GSTCD: variants seen among roughly 807,000 people sequenced by gnomAD.
GSTCD encodes glutathione S-transferase C-terminal domain containing.
In GSTCD, 44 loss-of-function variants were observed where a neutral mutation model predicts 68.3. The ratio of observed to expected loss-of-function variants is 0.64; its 90% CI spans 0.51 to 0.83. GSTCD has a LOEUF of 0.83. Ranked by LOEUF, GSTCD falls within the 40% of genes least tolerant of loss-of-function variation. The pLI is 0.00. For missense variants in GSTCD, 739 were observed against 735.9 expected (o/e 1.00, Z -0.05); for synonymous variants, 273 against 255.2 (o/e 1.07, Z -0.67).
In GSTCD at chr4:105,769,243, A is replaced by AC. The variant is rs1302495633; in HGVS notation, c.1240+39745dup. Among the ~76,000 whole-genome samples, 199 of 129,180 alleles carry AC rather than the reference A, an allele frequency of 1.5e-3. 1 individual carries two copies. Among genetic ancestry groups the AC allele is most frequent in the African/African-American group, 6.9e-3 (186 of 27,138 alleles). 84.7% of individuals were successfully genotyped at this position (129,180 alleles called of 152,430 possible). A position where few individuals can be genotyped will look rare whatever the true frequency, so the allele number is the denominator to read the frequency against. On this transcript the variant is annotated intron_variant, in intron 5 of 11. Transcript: ENST00000515279. ...ATACTATACACGCGCGCACACACAC[A>AC]CACACACACACACACACACACACAC... is the stretch of plus-strand genomic sequence containing the variant.
intron 5 of GSTCD, among the ~76,000 whole-genome samples, chr4:105,818,953 T>TTTG (rs1723143900): frequency 6.6e-6 from 1 of 151,800 alleles, no homozygotes; most frequent in Non-Finnish European, 1.5e-5. Flanking sequence ...GAAGATATAC[T>TTTG]ATATCCAGAA....
intron 11 of GSTCD, 49 bp downstream of exon 11, chr4:105,842,183 C>G (rs747494893): frequency 1.5e-5 from 21 of 1,446,890 alleles, no homozygotes; most frequent in Non-Finnish European, 2.0e-5. Context: ...CACAATATGA[C>G]TGGGAATGAT....
chr4:105,803,394 G>C (rs1185265095), intron 5 of GSTCD, among the ~76,000 whole-genome samples: 1 of 151,952 alleles, frequency 6.6e-6, no homozygotes, highest in Non-Finnish European at 1.5e-5. Context: ...ATAAAAAGCA[G>C]ACTAAATTTA....
chr4:105,753,482 TG>T (rs1367790472), intron 5 of GSTCD, among the ~76,000 whole-genome samples: 1 of 152,016 alleles, frequency 6.6e-6, no homozygotes, highest in African/African-American at 2.4e-5. Flanking sequence ...GAAAAAAATT[TG>T]CATCTGTACT....
At chr4:105,750,912 G>T (rs114913092) in intron 5 of GSTCD, among the ~76,000 whole-genome samples, 1 of 152,148 alleles carries the variant, frequency 6.6e-6, no homozygotes, top group Admixed American at 6.5e-5. Flanking sequence ...CTGTATGTTT[G>T]CCTTTATATA....
chr4:105,742,248 A>T (rs561899379), intron 5 of GSTCD, among the ~76,000 whole-genome samples: 2 of 152,238 alleles, frequency 1.3e-5, no homozygotes, highest in East Asian at 3.9e-4. Context: ...CCCACATCTT[A>T]TCTACCATTC....
At chr4:105,756,992 A>G (rs561796875) in intron 5 of GSTCD, among the ~76,000 whole-genome samples, 1 of 152,312 alleles carries the variant, frequency 6.6e-6, no homozygotes, top group East Asian at 1.9e-4. Context: ...TACACTGATC[A>G]GCATTGCTAT....
In GSTCD at chr4:105,826,699, CT is replaced by C. The variant is rs1033335982; in HGVS notation, c.1530+907del. ...ATCTTTTACCTACTTTTTAATCATACTTTTTTTTCTCATTGTTATAATGCAA... is the reference window on the plus strand; with the variant it reads ...ATCTTTTACCTACTTTTTAATCATACTTTTTTTCTCATTGTTATAATGCAA... On this transcript the variant is annotated intron_variant, in intron 8 of 11. Coordinates refer to ENST00000515279, the MANE Select transcript of GSTCD (RefSeq NM_001370181.1). 1.2e-3 allele frequency among the ~76,000 whole-genome samples: 188 copies of C among 152,010 alleles called. 1 individual carries two copies. Among genetic ancestry groups the C allele is most frequent in the African/African-American group, 4.3e-3 (178 of 41,506 alleles).
intron 4 of GSTCD, 75 bp from the exon 5 acceptor site, chr4:105,729,331 A>T: frequency 1.3e-6 from 1 of 797,916 alleles, no homozygotes; most frequent in Non-Finnish European, 2.0e-6. Flanking sequence ...ATACAAATAT[A>T]ATTTTTTAGC....
chr4:105,842,009 A>G (rs1208829293), intron 10 of GSTCD, 56 bp from the exon 11 acceptor site: 6 of 1,365,696 alleles, frequency 4.4e-6, no homozygotes, highest in South Asian at 1.2e-5. Flanking sequence ...GGTTGTTTTT[A>G]TAACTTTGAA....
At chr4:105,778,669 T>C (rs568262269) in intron 5 of GSTCD, among the ~76,000 whole-genome samples, 1 of 152,262 alleles carries the variant, frequency 6.6e-6, no homozygotes, top group East Asian at 1.9e-4. Flanking sequence ...ATATATATTA[T>C]ATGAAGTTCA....
intron 5 of GSTCD, among the ~76,000 whole-genome samples, chr4:105,788,498 C>A (rs1011662854): frequency 6.6e-6 from 1 of 152,090 alleles, no homozygotes; most frequent in East Asian, 1.9e-4. Context: ...CCTACTTAAC[C>A]CATTTATTCT....
rs1724516486 is a variant in GSTCD at position 105,845,541 on chromosome 4, T to C, written c.1866T>C (p.Ser622=). Residue 622 remains serine, a synonymous_variant, in exon 12 of 12, where the codon TCT becomes TCC. Transcript: ENST00000515279. ...TATCCATGGAGCCAGAGAGCTGCTC[T>C]CCCAAAAATAACATGATTGTGGGAG... ...QVISMEPESC[S]PKNNMIVGVP... is the part of the protein sequence containing the mutation. 1 of 1,613,970 alleles carries C rather than the reference T, an allele frequency of 6.2e-7. No individual in the cohort carries two copies. The highest frequency in any genetic ancestry group is 1.1e-5 in the South Asian group (1 of 91,076).
intron 5 of GSTCD, among the ~76,000 whole-genome samples, chr4:105,770,867 A>G (rs1046701618): frequency 2.0e-5 from 3 of 152,310 alleles, no homozygotes; most frequent in African/African-American, 7.2e-5. Flanking sequence ...AATGATTTAT[A>G]ATCCTAAGGG....
At chr4:105,817,360 G>A (rs942506790) in intron 5 of GSTCD, among the ~76,000 whole-genome samples, 3 of 151,690 alleles carry the variant, frequency 2.0e-5, no homozygotes, top group East Asian at 1.9e-4. Context: ...GAATTCTGCT[G>A]TCTTTTTAGT....
At chr4:105,753,349 A>G (rs1034809389) in intron 5 of GSTCD, 6 of 152,112 alleles carry the variant, frequency 3.9e-5, no homozygotes, top group East Asian at 1.9e-4. Flanking sequence ...AGCTTTCAGC[A>G]TGATTTCTAA....
In GSTCD at chr4:105,717,149, A is replaced by G. The variant is rs140191128; in HGVS notation, c.-21-444A>G. On this transcript the variant is annotated intron_variant, in intron 1 of 11. Coordinates refer to ENST00000515279, the MANE Select transcript of GSTCD (RefSeq NM_001370181.1). ...GAATCCACTTCTCCTGAAAGAACGAATATCCCCTCCCTATTATTTTGTAGG... is the reference window on the plus strand; with the variant it reads ...GAATCCACTTCTCCTGAAAGAACGAGTATCCCCTCCCTATTATTTTGTAGG... Among the ~76,000 whole-genome samples the G allele has an allele frequency of 6.0e-3, 921 of 152,280 alleles. 9 individuals carry two copies. The highest frequency in any genetic ancestry group is 0.021 in the African/African-American group (876 of 41,552).
intron 5 of GSTCD, among the ~76,000 whole-genome samples, chr4:105,737,733 A>G (rs182839718): frequency 3.3e-4 from 50 of 152,332 alleles, no homozygotes; most frequent in African/African-American, 1.2e-3. Context: ...TCCTTTCCCC[A>G]GTGAATGTCC....
At chr4:105,796,221 G>C (rs555596602) in intron 5 of GSTCD, among the ~76,000 whole-genome samples, 3 of 152,240 alleles carry the variant, frequency 2.0e-5, no homozygotes, top group Non-Finnish European at 4.4e-5. Flanking sequence ...GAGCGAGCTT[G>C]TGCAGGGAAA....
Sources: allele counts gnomAD v4.1 joint callset (sites outside exome capture counted in the v4.1 genomes callset), GRCh38; gene constraint gnomAD v4.1.1; transcripts MANE v1.5; gene names NCBI Gene and HGNC (gene_info 2026-07-23, HGNC 2026-07-21).